IL7: variants seen among roughly 807,000 people sequenced by gnomAD.
IL7 encodes the protein interleukin-7.
Under a neutral mutation model 21.6 loss-of-function variants are expected in IL7, and 3 were observed. That is an observed-to-expected ratio of 0.14 (90% confidence interval 0.06 to 0.36). The LOEUF is 0.36. IL7 is among the 10% of genes least tolerant of loss of function. The pLI, the probability that IL7 is intolerant of heterozygous loss-of-function variation, is 1.00. For missense variants in IL7, 175 were observed against 200.2 expected, an observed-to-expected ratio of 0.87 and a Z score of 0.76; for synonymous variants, 62 against 68.1, an observed-to-expected ratio of 0.91 and a Z score of 0.44.
intron 2 of IL7, among the ~76,000 whole-genome samples, chr8:78,748,297 G>C (rs1035427074): frequency 2.0e-5 from 3 of 152,102 alleles, no homozygotes; most frequent in African/African-American, 4.8e-5. Context: ...AAAGTATATG[G>C]GTGAATCTTT....
chr8:78,686,450 T>G (rs1585993573), intron 3 of IL7: 1 of 1,351,934 alleles, frequency 7.4e-7, no homozygotes, highest in South Asian at 1.9e-5. Context: ...TTTATTTATT[T>G]ATTTATTTAT....
intron 2 of IL7, among the ~76,000 whole-genome samples, chr8:78,790,878 A>G (rs11775538): frequency 0.079 from 12,062 of 152,032 alleles, 583 homozygotes; most frequent in African/African-American, 0.13. Flanking sequence ...TTATTACGAA[A>G]ATGATGGTCC....
chr8:78,743,263 G>C (rs1811860936), intron 2 of IL7, among the ~76,000 whole-genome samples: 1 of 152,128 alleles, frequency 6.6e-6, no homozygotes. Flanking sequence ...CCAGTAATGG[G>C]ACTGCTGGGT....
chr8:78,686,609 G>A (rs763768075), intron 3 of IL7: 1 of 1,485,814 alleles, frequency 6.7e-7, no homozygotes, highest in Non-Finnish European at 8.9e-7. Flanking sequence ...TATGATCCTG[G>A]TATTTGGAAT....
intron 3 of IL7, among the ~76,000 whole-genome samples, chr8:78,712,855 C>G: frequency 6.6e-6 from 1 of 152,104 alleles, no homozygotes; most frequent in East Asian, 1.9e-4. Flanking sequence ...ACTTAGTTAA[C>G]TTTTAAACCA....
chr8:78,682,898 T>TG (rs1809834431), intron 4 of IL7, among the ~76,000 whole-genome samples: 1 of 152,112 alleles, frequency 6.6e-6, no homozygotes, highest in African/African-American at 2.4e-5. Context: ...ATTGGAGAAA[T>TG]GGGCCAAAAC....
intron 2 of IL7, among the ~76,000 whole-genome samples, chr8:78,766,091 G>A (rs1224651406): frequency 6.6e-6 from 1 of 152,128 alleles, no homozygotes; most frequent in Non-Finnish European, 1.5e-5. Flanking sequence ...GCTATATACA[G>A]TTTGAGTGCA....
intron 3 of IL7, chr8:78,721,513 C>G (rs543665554): frequency 6.6e-6 from 1 of 152,112 alleles, no homozygotes; most frequent in East Asian, 1.9e-4. Context: ...TTTTTCCTCT[C>G]TTTTATCTCT....
intron 3 of IL7, among the ~76,000 whole-genome samples, chr8:78,693,574 G>A (rs906525455): frequency 5.9e-5 from 9 of 151,926 alleles, no homozygotes; most frequent in Admixed American, 3.3e-4. Context: ...CTTTTTGATG[G>A]GGTTGTTTGT....
At chr8:78,793,407 A>C (rs958988311) in intron 2 of IL7, among the ~76,000 whole-genome samples, 1 of 152,152 alleles carries the variant, frequency 6.6e-6, no homozygotes, top group African/African-American at 2.4e-5. Context: ...CAATACAGTG[A>C]GTCATACAAT....
rs1406700274 is a variant in IL7, at chr8:78,689,484, A to G, written n.215-3537T>C. 7.3e-6 allele frequency: 7 copies of G among 965,290 alleles called. No homozygotes were observed. The East Asian group carries it at 2.2e-4, about 30-fold the overall frequency. 59.8% of individuals were successfully genotyped at this position (965,290 alleles called of 1,614,324 possible). A position where few individuals can be genotyped will look rare whatever the true frequency, so the allele number is the denominator to read the frequency against. ...GACTATATTTTTCTCACCTGCTTTT[A>G]TAGATATATAGTTTTATATATCTAT... On this transcript the variant is annotated intron_variant and non_coding_transcript_variant, in intron 3 of 4. Transcript: ENST00000523959.
At chr8:78,699,609 T>A (rs1810536578) in intron 3 of IL7, among the ~76,000 whole-genome samples, 1 of 152,132 alleles carries the variant, frequency 6.6e-6, no homozygotes, top group Non-Finnish European at 1.5e-5. Context: ...CCTGATTCTC[T>A]CTCTCCTCTT....
chr8:78,801,165 A>G (rs989322430), intron 1 of IL7, among the ~76,000 whole-genome samples: 2 of 152,336 alleles, frequency 1.3e-5, no homozygotes, highest in South Asian at 2.1e-4. Context: ...TTAGCCCCAG[A>G]CAGACTATGG....
intron 2 of IL7, among the ~76,000 whole-genome samples, chr8:78,751,973 A>G (rs1812188219): frequency 6.6e-6 from 1 of 152,036 alleles, no homozygotes; most frequent in South Asian, 2.1e-4. Flanking sequence ...CTCTACTTCC[A>G]TGAACTCAAT....
chr8:78,694,952 G>A (rs2130530039), intron 3 of IL7, among the ~76,000 whole-genome samples: 1 of 152,198 alleles, frequency 6.6e-6, no homozygotes, highest in African/African-American at 2.4e-5. Context: ...CTTCATAATA[G>A]CACACAAAAC....
intron 3 of IL7, 23 bp from the exon 4 acceptor site, chr8:78,738,658 G>A (rs1274232159): frequency 6.2e-7 from 1 of 1,605,368 alleles, no homozygotes; most frequent in African/African-American, 1.3e-5. Flanking sequence ...AAAGTCAGAA[G>A]GGCCATGGTT....
chr8:78,753,234 T>C (rs1211085376), intron 2 of IL7, among the ~76,000 whole-genome samples: 1 of 152,212 alleles, frequency 6.6e-6, no homozygotes, highest in Admixed American at 6.5e-5. Context: ...CCACATCCTC[T>C]CCAGCATCTG....
At chr8:78,778,873 T>C (rs1813222469) in intron 2 of IL7, among the ~76,000 whole-genome samples, 1 of 152,206 alleles carries the variant, frequency 6.6e-6, no homozygotes, top group African/African-American at 2.4e-5. Flanking sequence ...TTCCTATCCA[T>C]GAGCATGACA....
In IL7 at chr8:78,739,591, C is replaced by T. The variant is rs147006614; in HGVS notation, c.228+411G>A. On this transcript the variant is annotated intron_variant, in intron 3 of 5. Coordinates refer to ENST00000263851, the MANE Select transcript of IL7 (RefSeq NM_000880.4). ...CCTGTAGACCCAGTTACTCGGGAGACTGAGGCAGGAGAATCGCTTGAAACC... is the reference window on the plus strand; with the variant it reads ...CCTGTAGACCCAGTTACTCGGGAGATTGAGGCAGGAGAATCGCTTGAAACC... 5.9e-3 allele frequency among the ~76,000 whole-genome samples: 895 copies of T among 151,782 alleles called. 8 individuals carry two copies. Among genetic ancestry groups the T allele is most frequent in the African/African-American group, 0.02 (841 of 41,372 alleles).
Sources: allele counts gnomAD v4.1 joint callset (sites outside exome capture counted in the v4.1 genomes callset), GRCh38; gene constraint gnomAD v4.1.1; transcripts MANE v1.5; gene names NCBI Gene and HGNC (gene_info 2026-07-23, HGNC 2026-07-21).